VAV2: variants seen among roughly 807,000 people sequenced by gnomAD.
The protein encoded by VAV2 is guanine nucleotide exchange factor VAV2.
VAV2 carries 67 observed loss-of-function variants against 132.5 expected under a neutral mutation model. The observed-to-expected ratio is 0.51, with a 90% confidence interval of 0.42 to 0.62. VAV2 has a LOEUF of 0.62. Ranked by LOEUF, VAV2 falls within the 20% of genes least tolerant of loss-of-function variation. The probability of loss-of-function intolerance (pLI) is 0.00; values close to 1 mark genes in which losing one functional copy is unlikely to be tolerated. For synonymous variants in VAV2, 492 were observed against 443.5 expected (o/e 1.11, Z -1.37); for missense variants, 938 against 1,153.6 (o/e 0.81, Z 2.71).
In VAV2 at chr9:133,857,361, G is replaced by A. The variant is rs191193177; in HGVS notation, c.380+4013C>T. Reference sequence around the variant, plus strand: ...TTGATCCCCCAGCCGGCACCAGGGCGGGATTCTTAGATTAAGTCTCCAATT... The same window carrying A: ...TTGATCCCCCAGCCGGCACCAGGGCAGGATTCTTAGATTAAGTCTCCAATT... On this transcript the variant is annotated intron_variant, in intron 3 of 29. Transcript: ENST00000371850. This position sits in a 1 kb window ranked among gnomAD's most constrained non-coding sequence, Gnocchi z 4.0. Among the ~76,000 whole-genome samples the A allele has an allele frequency of 1.6e-4, 24 of 152,302 alleles. No homozygotes were observed. The highest frequency in any genetic ancestry group is 4.1e-4 in the African/African-American group (17 of 41,564).
Position 133,806,133 on chromosome 9 carries a change from C to G in VAV2, c.784G>C (p.Val262Leu). The change falls in exon 9 of 30, where the codon GTG (valine) becomes CTG (leucine). Residue 262 changes from valine to leucine, a missense_variant. Transcript: ENST00000371850. ...GCCAGCGTGCTGCCCCCCACCATCA[C>G]GGACACGTCGATGGCCCTCAGGAAG... ...HSFLRAIDVS[V>L]MVGGSTLAKV... is the part of the protein sequence containing the mutation. The G allele has an allele frequency of 6.2e-7, 1 of 1,613,048 alleles. No homozygotes were observed. The highest frequency in any genetic ancestry group is 8.5e-7 in the Non-Finnish European group (1 of 1,179,984).
chr9:133,957,733 C>T (rs1841831638), intron 1 of VAV2, among the ~76,000 whole-genome samples: 1 of 152,170 alleles, frequency 6.6e-6, no homozygotes, highest in South Asian at 2.1e-4. Context: ...TGTCACAACC[C>T]GAGAGCCTAT....
intron 1 of VAV2, among the ~76,000 whole-genome samples, chr9:133,954,488 G>A (rs72764834): frequency 0.036 from 5,421 of 152,394 alleles, 128 homozygotes; most frequent in Non-Finnish European, 0.049. Context: ...TCGCAAGTGC[G>A]CAGTGAATCT....
intron 2 of VAV2, among the ~76,000 whole-genome samples, chr9:133,938,836 G>A (rs192221019): frequency 3.2e-4 from 48 of 152,206 alleles, no homozygotes; most frequent in South Asian, 6.2e-4. Context: ...TCCCCCACCC[G>A]CCTGAATTCG....
At chr9:133,936,898 C>T (rs1840932056) in intron 2 of VAV2, among the ~76,000 whole-genome samples, 1 of 152,210 alleles carries the variant, frequency 6.6e-6, no homozygotes, top group South Asian at 2.1e-4. Flanking sequence ...CTTCTGCAGC[C>T]CCTCAGAGCC....
chr9:133,787,570 G>A (rs1834277324), intron 15 of VAV2, among the ~76,000 whole-genome samples: 1 of 152,142 alleles, frequency 6.6e-6, no homozygotes, highest in African/African-American at 2.4e-5. Context: ...CAGCCCTGGA[G>A]GCCAGGGACT....
At chr9:133,852,558 A>G (rs575935982) in intron 3 of VAV2, among the ~76,000 whole-genome samples, 39 of 152,238 alleles carry the variant, frequency 2.6e-4, no homozygotes, top group African/African-American at 8.7e-4. Flanking sequence ...TGGAGCAAAG[A>G]GAGAAACTCA....
intron 2 of VAV2, among the ~76,000 whole-genome samples, chr9:133,886,271 C>T (rs1291518801): frequency 6.6e-6 from 1 of 152,232 alleles, no homozygotes; most frequent in African/African-American, 2.4e-5. Context: ...TCGTCTGATG[C>T]TTGCCTCGGC....
In VAV2 at chr9:133,985,748, C is replaced by T. The variant is rs562503151; in HGVS notation, c.204+6327G>A. Among the ~76,000 whole-genome samples the T allele has an allele frequency of 3.1e-4, 47 of 152,300 alleles. 1 individual carries two copies. In the South Asian group the frequency reaches 8.9e-3, roughly 29 times the overall value. On this transcript the variant is annotated intron_variant, in intron 1 of 29. Transcript: ENST00000371850. The stretch of plus-strand genomic sequence containing the variant: ...AAGTCAGGCACGGTATTCACATGTC[C>T]TCTGCAGCTCGAAGAATGATGAGGA...
chr9:133,956,188 G>A (rs1019273310), intron 1 of VAV2, among the ~76,000 whole-genome samples: 1 of 152,192 alleles, frequency 6.6e-6, no homozygotes, highest in East Asian at 2.0e-4. Flanking sequence ...TGGTTCACAG[G>A]GAGAGAGGGA....
chr9:133,776,098 G>C lies in VAV2; in HGVS notation c.1966-18C>G. 1.2e-6 allele frequency: 2 copies of C among 1,612,396 alleles called. No homozygotes were observed. The highest frequency in any genetic ancestry group is 1.7e-6 in the Non-Finnish European group (2 of 1,179,656). ...ATGGGCGGCTGGTGGCAGAGCACAA[G>C]AGTGTTAACGGCCCCCCAGGGCCAC... is the stretch of plus-strand genomic sequence containing the variant. On this transcript the variant is annotated intron_variant, in intron 23 of 29. Transcript: ENST00000371850.
chr9:133,789,627 G>A (rs958639811), intron 13 of VAV2, among the ~76,000 whole-genome samples: 12 of 152,214 alleles, frequency 7.9e-5, no homozygotes, highest in African/African-American at 2.4e-4. Flanking sequence ...TGACGGTGCC[G>A]GTTGTGTTCA....
At chr9:133,878,357 G>A (rs1838349480) in intron 2 of VAV2, among the ~76,000 whole-genome samples, 1 of 152,226 alleles carries the variant, frequency 6.6e-6, no homozygotes, top group South Asian at 2.1e-4. Flanking sequence ...GTTTCTGAAA[G>A]GATCTGACCG....
chr9:133,839,749 T>C (rs766190728), intron 3 of VAV2, among the ~76,000 whole-genome samples: 1 of 152,188 alleles, frequency 6.6e-6, no homozygotes, highest in African/African-American at 2.4e-5. Flanking sequence ...ATGCCCAGCC[T>C]ACACGAGGAG....
At position 133,768,947 on chromosome 9, in the gene VAV2, A is replaced by G. The variant is rs1432337132; in HGVS notation, c.2435-351T>C. ...GCCCAGATGCAGAATCCTGATAGAC[A>G]GGTGACAATGACCATGGCTGAGGGC... On this transcript the variant is annotated intron_variant, in intron 28 of 29. Coordinates refer to ENST00000371850, the MANE Select transcript of VAV2 (RefSeq NM_001134398.2). This position sits in a 1 kb window ranked among gnomAD's most constrained non-coding sequence, Gnocchi z 5.3. 6.6e-6 allele frequency among the ~76,000 whole-genome samples: 1 copy of G among 152,170 alleles called. No individual in the cohort carries two copies. The highest frequency in any genetic ancestry group is 1.5e-5 in the Non-Finnish European group (1 of 68,028).
chr9:133,933,952 G>GATGGATGGATGGA (rs57228303), intron 2 of VAV2, among the ~76,000 whole-genome samples: 12 of 130,192 alleles, frequency 9.2e-5, no homozygotes, highest in African/African-American at 3.2e-4. Context: ...TGGATGGATG[G>GATGGATGGATGGA]TGGATGGATG....
intron 2 of VAV2, among the ~76,000 whole-genome samples, chr9:133,930,217 TGGCCTCCTCTCTGCCTCCC>T (rs1286530212): frequency 6.6e-6 from 1 of 152,164 alleles, no homozygotes; most frequent in Non-Finnish European, 1.5e-5. Flanking sequence ...CTCTGCCTCC[TGGCCTCCTCTCTGCCTCCC>T]GGCATCCTCA....
chr9:133,848,002 A>T (rs1464021754), intron 3 of VAV2, among the ~76,000 whole-genome samples: 1 of 152,140 alleles, frequency 6.6e-6, no homozygotes. Flanking sequence ...AATGGGCCAG[A>T]CGCGGTAGCT....
intron 4 of VAV2, among the ~76,000 whole-genome samples, chr9:133,812,430 C>T (rs999102201): frequency 6.6e-6 from 1 of 152,232 alleles, no homozygotes; most frequent in African/African-American, 2.4e-5. Context: ...CAGTGCTCTG[C>T]CTGCTGCCTC....
Sources: allele counts gnomAD v4.1 joint callset (sites outside exome capture counted in the v4.1 genomes callset), GRCh38; gene constraint gnomAD v4.1.1; non-coding constraint Gnocchi (gnomAD v3.1); transcripts MANE v1.5; gene names NCBI Gene and HGNC (gene_info 2026-07-23, HGNC 2026-07-21).